The following MINDY2 variants were observed in gnomAD, a reference collection of about 807,000 sequenced individuals.
MINDY2 encodes MINDY lysine 48 deubiquitinase 2.
Under a neutral mutation model 68.2 loss-of-function variants are expected in MINDY2, and 52 were observed. That is an observed-to-expected ratio of 0.76 (90% confidence interval 0.61 to 0.96). The LOEUF (loss-of-function observed/expected upper bound fraction) is 0.96, where lower values mean the gene tolerates loss of function less well. MINDY2 is among the 40% of genes least tolerant of loss of function. The pLI, the probability that MINDY2 is intolerant of heterozygous loss-of-function variation, is 0.00. For missense variants in MINDY2, 881 were observed against 773.4 expected (o/e 1.14, Z -1.65); for synonymous variants, 372 against 303.0 (o/e 1.23, Z -2.36).
Position 58,857,061 on chromosome 15 carries a change from G to C in MINDY2, c.*2451G>C, listed in dbSNP as rs1270893819. 1.2e-4 allele frequency: 19 copies of C among 152,264 alleles called. No homozygotes were observed. The highest frequency in any genetic ancestry group is 4.6e-4 in the African/African-American group (19 of 41,548). 9.4% of individuals were successfully genotyped at this position (152,264 alleles called of 1,614,324 possible). On this transcript the variant is annotated 3_prime_UTR_variant, in exon 9 of 9. Transcript: ENST00000559228. ...ACAAGGAAAAACTAAAAAATGTAAT[G>C]TGTTAATTCAGCCTTTTTCTATGTA...
Position 58,860,750 on chromosome 15 carries a change from T to C in MINDY2, c.*6140T>C, listed in dbSNP as rs1364276164. 6.6e-6 allele frequency: 1 copy of C among 152,198 alleles called. No homozygotes were observed. Among genetic ancestry groups the C allele is most frequent in the East Asian group, 1.9e-4 (1 of 5,208 alleles). The allele number at this position is 152,198 out of a possible 1,614,324, so 9.4% of individuals were successfully genotyped here. A position where few individuals can be genotyped will look rare whatever the true frequency, so the allele number is the denominator to read the frequency against. On this transcript the variant is annotated 3_prime_UTR_variant, in exon 9 of 9. Coordinates refer to ENST00000559228, the MANE Select transcript of MINDY2 (RefSeq NM_001040450.3). ...TTACATTGTGAACATAATTGCAACA[T>C]GTTTTAAGACAAACAGTATTTAATC...
chr15:58,831,645 T>G (rs1424500798), intron 5 of MINDY2, 129 bp from the exon 6 acceptor site: 7 of 728,854 alleles, frequency 9.6e-6, no homozygotes, highest in African/African-American at 1.8e-5. Flanking sequence ...GGAGCCATCA[T>G]AAAGTAGTAG....
chr15:58,825,924 A>G (rs75174016), intron 5 of MINDY2, among the ~76,000 whole-genome samples: 3,822 of 152,214 alleles, frequency 0.025, 175 homozygotes, highest in African/African-American at 0.085. Flanking sequence ...TTTCTTTAAC[A>G]GTTGTTCCTA....
Position 58,856,606 on chromosome 15 carries a change from G to A in MINDY2, c.*1996G>A, listed in dbSNP as rs1206459173. On this transcript the variant is annotated 3_prime_UTR_variant, in exon 9 of 9. Transcript: ENST00000559228. Reference sequence around the variant, plus strand: ...TGATTATAACCTAGAATATGTATACGTTAGTAAAATAACCAGATATACTAC... The same window carrying A: ...TGATTATAACCTAGAATATGTATACATTAGTAAAATAACCAGATATACTAC... 9.2e-5 allele frequency: 14 copies of A among 152,098 alleles called. No individual in the cohort carries two copies. Among genetic ancestry groups the A allele is most frequent in the African/African-American group, 2.9e-4 (12 of 41,426 alleles). 9.4% of individuals were successfully genotyped at this position (152,098 alleles called of 1,614,324 possible).
intron 7 of MINDY2, 62 bp downstream of exon 7, chr15:58,847,532 A>G (rs1323711618): frequency 7.2e-7 from 1 of 1,393,920 alleles, no homozygotes; most frequent in Admixed American, 2.3e-5. Flanking sequence ...ATGTGAATTC[A>G]TGTATCCAAA....
In MINDY2 at chr15:58,782,356, A is replaced by C. The variant is rs975595059; in HGVS notation, c.841-5550A>C. Among the ~76,000 whole-genome samples the C allele has an allele frequency of 2.6e-5, 4 of 152,188 alleles. No individual in the cohort carries two copies. In the East Asian group the frequency reaches 7.7e-4, roughly 29 times the overall value. On this transcript the variant is annotated intron_variant, in intron 1 of 8. Transcript: ENST00000559228. ...TAGTGCGTCCATTTTGCCTTACATA[A>C]GTAATGCAAAAATAGACTGCAAAAT...
intron 5 of MINDY2, among the ~76,000 whole-genome samples, chr15:58,827,920 A>G (rs1334537552): frequency 6.6e-6 from 1 of 151,922 alleles, no homozygotes; most frequent in African/African-American, 2.4e-5. Flanking sequence ...TGGGCTCCCT[A>G]CTGCACTCCT....
At chr15:58,781,699 T>TC (rs1406425196) in intron 1 of MINDY2, among the ~76,000 whole-genome samples, 4 of 151,970 alleles carry the variant, frequency 2.6e-5, no homozygotes, top group Non-Finnish European at 4.4e-5. Context: ...TGTCAGGAGT[T>TC]CAAGACCAGC....
chr15:58,837,390 T>G (rs1201319617), intron 6 of MINDY2, among the ~76,000 whole-genome samples: 3 of 151,786 alleles, frequency 2.0e-5, no homozygotes, highest in African/African-American at 7.3e-5. Context: ...CTGGACAACA[T>G]AGGAAGACCC....
chr15:58,853,769 C>T (rs927911895), intron 8 of MINDY2, among the ~76,000 whole-genome samples: 2 of 142,560 alleles, frequency 1.4e-5, no homozygotes, highest in East Asian at 2.1e-4. Flanking sequence ...TGCAGTGAAC[C>T]GAGATTGTGC....
intron 6 of MINDY2, among the ~76,000 whole-genome samples, chr15:58,833,982 G>A (rs1429786692): frequency 6.6e-6 from 1 of 152,104 alleles, no homozygotes; most frequent in African/African-American, 2.4e-5. Context: ...GCTTTCCTAG[G>A]CAGAGGTCCC....
At position 58,771,407 on chromosome 15, in the gene MINDY2, C is replaced by T. The variant is rs1306491927; in HGVS notation, c.12C>T (p.Ser4=). MES[S]PESLQPLEHG... ...GCGGGCGGCCCGGTATGGAGAGCAG[C>T]CCCGAGAGCCTGCAGCCGCTAGAAC... The change falls in exon 1 of 9, where the codon AGC becomes AGT. Residue 4 remains serine (S), a synonymous_variant. Transcript: ENST00000559228. 6.2e-7 allele frequency: 1 copy of T among 1,609,538 alleles called. No homozygotes were observed. The highest frequency in any genetic ancestry group is 1.1e-5 in the South Asian group (1 of 90,834).
At chr15:58,779,078 C>G (rs1183396789) in intron 1 of MINDY2, among the ~76,000 whole-genome samples, 6 of 147,296 alleles carry the variant, frequency 4.1e-5, no homozygotes, top group Non-Finnish European at 7.5e-5. Flanking sequence ...TTTTTTTTCT[C>G]TTTAGAGATG....
At position 58,860,666 on chromosome 15, in the gene MINDY2, A is replaced by G. The variant is rs1373163162; in HGVS notation, c.*6056A>G. On this transcript the variant is annotated 3_prime_UTR_variant, in exon 9 of 9. Transcript: ENST00000559228. ...TGTCAAAATAGGCCTTGTAACTGAA[A>G]TACCTTACAAAGCAGTTCTAACTAA... 1.3e-5 allele frequency: 2 copies of G among 152,170 alleles called. No individual in the cohort carries two copies. The highest frequency in any genetic ancestry group is 2.9e-5 in the Non-Finnish European group (2 of 68,026). 9.4% of individuals were successfully genotyped at this position (152,170 alleles called of 1,614,324 possible). A position where few individuals can be genotyped will look rare whatever the true frequency, so the allele number is the denominator to read the frequency against.
At chr15:58,776,631 A>C (rs1254707866) in intron 1 of MINDY2, among the ~76,000 whole-genome samples, 1 of 152,148 alleles carries the variant, frequency 6.6e-6, no homozygotes. Flanking sequence ...ATAACATGGA[A>C]TCCTCAGTTC....
chr15:58,778,444 G>A (rs555934787), intron 1 of MINDY2, among the ~76,000 whole-genome samples: 2 of 150,526 alleles, frequency 1.3e-5, no homozygotes, highest in East Asian at 1.9e-4. Context: ...TATAAAGTTG[G>A]TTTCTCCAAA....
intron 5 of MINDY2, among the ~76,000 whole-genome samples, chr15:58,826,016 T>C (rs1415699621): frequency 6.6e-6 from 1 of 152,194 alleles, no homozygotes; most frequent in African/African-American, 2.4e-5. Flanking sequence ...TTATGTGCCA[T>C]AGACACTGAA....
intron 1 of MINDY2, among the ~76,000 whole-genome samples, chr15:58,774,492 GAAAAAAA>G (rs11385535): frequency 4.3e-5 from 4 of 92,828 alleles, no homozygotes; most frequent in African/African-American, 1.1e-4. Flanking sequence ...CCCAAAAAAA[GAAAAAAA>G]AAAAAAAAAA....
chr15:58,803,834 C>T (rs2002386), intron 3 of MINDY2, among the ~76,000 whole-genome samples: 8,678 of 145,946 alleles, frequency 0.059, 280 homozygotes, highest in East Asian at 0.14. Flanking sequence ...AGAGGCCGGG[C>T]GTGGTGGCTC....
Sources: allele counts gnomAD v4.1 joint callset (sites outside exome capture counted in the v4.1 genomes callset), GRCh38; gene constraint gnomAD v4.1.1; transcripts MANE v1.5; gene names NCBI Gene and HGNC (gene_info 2026-07-23, HGNC 2026-07-21).